The following ANO3 variants were observed in gnomAD, a reference collection of about 807,000 sequenced individuals.
The protein encoded by ANO3 is anoctamin 3, also known as anoctamin-3.
A neutral mutation model predicts 144.8 loss-of-function variants in ANO3; 99 were observed. The ratio of observed to expected loss-of-function variants is 0.68; its 90% confidence interval spans 0.58 to 0.81. The LOEUF is 0.81. ANO3 is among the 30% of genes least tolerant of loss of function. ANO3 has a pLI of 0.00. For missense variants in ANO3, 905 were observed against 1,202.2 expected, an observed-to-expected ratio of 0.75 and a Z score of 3.66; for synonymous variants, 414 against 392.6, an observed-to-expected ratio of 1.05 and a Z score of -0.64.
intron 1 of ANO3, among the ~76,000 whole-genome samples, chr11:26,409,257 C>A (rs1269616638): frequency 7.2e-5 from 11 of 151,804 alleles, no homozygotes; most frequent in Admixed American, 7.2e-4. Context: ...CCAGGGCTCC[C>A]CTTTTTACCT....
chr11:26,463,262 T>C, intron 4 of ANO3, 114 bp downstream of exon 4: 1 of 538,574 alleles, frequency 1.9e-6, no homozygotes, highest in South Asian at 3.3e-5. Context: ...ATATACATGT[T>C]AATATGTACT....
intron 1 of ANO3, among the ~76,000 whole-genome samples, chr11:26,355,584 A>G (rs1473725392): frequency 6.8e-6 from 1 of 147,988 alleles, no homozygotes; most frequent in Non-Finnish European, 1.5e-5. Context: ...TTTGAGATGA[A>G]GTTTCACTCT....
At chr11:26,622,430 G>GA (rs72360962) in intron 17 of ANO3, among the ~76,000 whole-genome samples, 1,737 of 134,042 alleles carry the variant, frequency 0.013, 32 homozygotes, top group African/African-American at 0.041. Flanking sequence ...AGCCATCTCT[G>GA]AAAAAAAAAA....
intron 1 of ANO3, among the ~76,000 whole-genome samples, chr11:26,405,635 A>G (rs1212625676): frequency 1.3e-5 from 2 of 151,950 alleles, no homozygotes; most frequent in Non-Finnish European, 2.9e-5. Flanking sequence ...CCCAGAACTT[A>G]TAAAACAAGA....
intron 18 of ANO3, among the ~76,000 whole-genome samples, chr11:26,625,392 C>G (rs1852551551): frequency 6.6e-6 from 1 of 152,128 alleles, no homozygotes; most frequent in Non-Finnish European, 1.5e-5. Context: ...TGCCCTGTCC[C>G]CCGACACTCC....
At chr11:26,575,054 C>A (rs943427731) in intron 14 of ANO3, among the ~76,000 whole-genome samples, 1 of 151,940 alleles carries the variant, frequency 6.6e-6, no homozygotes, top group Non-Finnish European at 1.5e-5. Context: ...AAGACTATAG[C>A]AAAACCTGTT....
intron 4 of ANO3, among the ~76,000 whole-genome samples, chr11:26,493,838 A>T (rs1470986927): frequency 6.6e-6 from 1 of 152,256 alleles, no homozygotes; most frequent in East Asian, 1.9e-4. Flanking sequence ...CTGCCACCTG[A>T]CACCCTCTGA....
intron 11 of ANO3, among the ~76,000 whole-genome samples, chr11:26,544,257 T>C (rs1199773898): frequency 4.5e-4 from 31 of 68,590 alleles, no homozygotes; most frequent in African/African-American, 8.1e-4. Context: ...TATACATATA[T>C]ATATATATAT....
chr11:26,547,562 A>C lies in ANO3; in HGVS notation c.1289+12A>C, dbSNP rs770539603. 2 of 1,609,700 alleles carry C rather than the reference A, an allele frequency of 1.2e-6. No individual in the cohort carries two copies. Among genetic ancestry groups the C allele is most frequent in the East Asian group, 4.5e-5 (2 of 44,758 alleles). ...AATAGTCAAGTAAGGTAGGCTATTA[A>C]GAGACCTATTAAAAATATTTGGCTT... On this transcript the variant is annotated intron_variant, in intron 12 of 26. Transcript: ENST00000256737.
intron 1 of ANO3, among the ~76,000 whole-genome samples, chr11:26,191,335 T>TACACACAC (rs746463223): frequency 4.4e-4 from 64 of 144,128 alleles, no homozygotes; most frequent in Admixed American, 3.4e-3. Flanking sequence ...TATACACACA[T>TACACACAC]ACACACACAC....
At chr11:26,189,834 C>T (rs923508117) in intron 1 of ANO3, among the ~76,000 whole-genome samples, 10 of 152,102 alleles carry the variant, frequency 6.6e-5, no homozygotes, top group African/African-American at 2.2e-4. Context: ...TATGAGCTGA[C>T]AGTGTTAATA....
Position 26,662,144 on chromosome 11 carries a change from C to T in ANO3, c.*1700C>T, listed in dbSNP as rs1475198367. 1 of 151,870 alleles carries T rather than the reference C, an allele frequency of 6.6e-6. No individual in the cohort carries two copies. The highest frequency in any genetic ancestry group is 1.5e-5 in the Non-Finnish European group (1 of 67,946). The allele number at this position is 151,870 out of a possible 1,614,324, so 9.4% of individuals were successfully genotyped here. Reference sequence around the variant, plus strand: ...TTGTTAGCTTTTCCTTCTTTCTCTCCAGAAGAAACATGGATAGATGATAGC... The same window carrying T: ...TTGTTAGCTTTTCCTTCTTTCTCTCTAGAAGAAACATGGATAGATGATAGC... On this transcript the variant is annotated 3_prime_UTR_variant, in exon 27 of 27. Transcript: ENST00000256737.
intron 4 of ANO3, among the ~76,000 whole-genome samples, chr11:26,498,495 A>C (rs1375779295): frequency 4.0e-5 from 6 of 150,834 alleles, no homozygotes; most frequent in African/African-American, 1.2e-4. Flanking sequence ...GTTATTATGA[A>C]TATAGTCATA....
At chr11:26,365,950 T>G (rs1856058530) in intron 1 of ANO3, among the ~76,000 whole-genome samples, 1 of 137,672 alleles carries the variant, frequency 7.3e-6, no homozygotes, top group Non-Finnish European at 1.5e-5. Flanking sequence ...AAACCATTTT[T>G]TCTTTATATA....
chr11:26,576,547 A>G (rs2132845325), intron 14 of ANO3, among the ~76,000 whole-genome samples: 1 of 152,256 alleles, frequency 6.6e-6, no homozygotes, highest in Admixed American at 6.5e-5. Context: ...TGAATGAGTA[A>G]ACTCTTCTTT....
chr11:26,328,575 T>G (rs1180664393), upstream of ANO3, among the ~76,000 whole-genome samples: 1 of 152,050 alleles, frequency 6.6e-6, no homozygotes, highest in Non-Finnish European at 1.5e-5. Context: ...GAATAAAAAG[T>G]CTCCCAGTGA....
chr11:26,259,166 T>C (rs1853125255), intron 1 of ANO3, among the ~76,000 whole-genome samples: 1 of 152,208 alleles, frequency 6.6e-6, no homozygotes, highest in South Asian at 2.1e-4. Flanking sequence ...TATATGGCTC[T>C]TGAGGGATAA....
chr11:26,232,655 G>A (rs1322433927), intron 1 of ANO3, among the ~76,000 whole-genome samples: 1 of 152,080 alleles, frequency 6.6e-6, no homozygotes, highest in African/African-American at 2.4e-5. Context: ...AGACTTAAAT[G>A]TAAAACCCAA....
chr11:26,359,655 T>G (rs771961455), intron 1 of ANO3, among the ~76,000 whole-genome samples: 1 of 151,986 alleles, frequency 6.6e-6, no homozygotes, highest in African/African-American at 2.4e-5. Context: ...CCAGGGAGTC[T>G]GCTGAACCCC....
Sources: allele counts gnomAD v4.1 joint callset (sites outside exome capture counted in the v4.1 genomes callset), GRCh38; gene constraint gnomAD v4.1.1; transcripts MANE v1.5; gene names NCBI Gene and HGNC (gene_info 2026-07-23, HGNC 2026-07-21).